Variants in SRGAP2B observed in about 807,000 individuals in gnomAD.
The protein encoded by SRGAP2B is SLIT-ROBO Rho GTPase activating protein 2B.
Under a neutral mutation model 22.2 loss-of-function variants are expected in SRGAP2B, and 9 were observed. The observed-to-expected ratio is 0.41, with a 90% CI of 0.24 to 0.71. The LOEUF is 0.71. SRGAP2B is among the 30% of genes least tolerant of loss of function. The pLI, the probability that SRGAP2B is intolerant of heterozygous loss-of-function variation, is 0.35. For synonymous variants in SRGAP2B, 36 were observed against 87.4 expected, an observed-to-expected ratio of 0.41 and a Z score of 3.28; for missense variants, 114 against 235.8, an observed-to-expected ratio of 0.48 and a Z score of 3.38.
intron 4 of SRGAP2B, among the ~76,000 whole-genome samples, chr1:144,953,846 C>T (rs1253715879): frequency 3.3e-5 from 5 of 150,710 alleles, no homozygotes; most frequent in African/African-American, 5.0e-5. Context: ...GTTGTTTTCT[C>T]GGATGAACAA....
intron 2 of SRGAP2B, among the ~76,000 whole-genome samples, chr1:145,020,625 C>G (rs1229143065): frequency 2.0e-5 from 3 of 147,668 alleles, no homozygotes; most frequent in Admixed American, 2.0e-4. Context: ...TCACAGAGAT[C>G]TTTATTGTAT....
At chr1:145,010,705 T>A (rs1671990110) in intron 2 of SRGAP2B, among the ~76,000 whole-genome samples, 1 of 150,716 alleles carries the variant, frequency 6.6e-6, no homozygotes, top group Admixed American at 6.6e-5. Context: ...CCAGCCACCC[T>A]TCTGTTTATG....
intron 5 of SRGAP2B, among the ~76,000 whole-genome samples, chr1:144,907,171 G>A (rs1216753338): frequency 2.0e-5 from 3 of 150,566 alleles, no homozygotes; most frequent in African/African-American, 7.4e-5. Flanking sequence ...GTGCATGTGT[G>A]TGTGTAACAC....
intron 3 of SRGAP2B, among the ~76,000 whole-genome samples, chr1:144,994,759 T>C (rs1446775017): frequency 1.3e-5 from 2 of 150,048 alleles, no homozygotes; most frequent in Non-Finnish European, 2.9e-5. Context: ...CTTAGTAGCA[T>C]GCCTGGCAAC....
intron 2 of SRGAP2B, among the ~76,000 whole-genome samples, chr1:145,006,149 A>G (rs1553621029): frequency 3.3e-5 from 5 of 150,934 alleles, no homozygotes; most frequent in Non-Finnish European, 7.4e-5. Flanking sequence ...CTGAAGCATG[A>G]GACTTGGAGT....
intron 2 of SRGAP2B, among the ~76,000 whole-genome samples, chr1:145,020,154 C>T (rs1268252193): frequency 1.4e-5 from 2 of 143,412 alleles, no homozygotes; most frequent in Non-Finnish European, 3.0e-5. Context: ...GTAGCTCACA[C>T]CTGTAATCCC....
At chr1:145,040,477 A>C (rs1649095973) in intron 2 of SRGAP2B, among the ~76,000 whole-genome samples, 1 of 151,064 alleles carries the variant, frequency 6.6e-6, no homozygotes, top group East Asian at 1.9e-4. Context: ...CTCTTCCTAT[A>C]AAGGCCAGAT....
intron 3 of SRGAP2B, among the ~76,000 whole-genome samples, chr1:144,992,976 A>C (rs1197888518): frequency 6.6e-5 from 10 of 151,962 alleles, no homozygotes; most frequent in Middle Eastern, 3.4e-3. Context: ...AGAATTCAGA[A>C]GATGGAGAAC....
intron 5 of SRGAP2B, among the ~76,000 whole-genome samples, chr1:144,912,569 G>A (rs1190634927): frequency 4.1e-5 from 6 of 148,000 alleles, no homozygotes; most frequent in Admixed American, 2.0e-4. Context: ...TTTGTTGTGG[G>A]AGCTGCCCTG....
At chr1:144,957,525 CCAAT>C (rs1394962716) in intron 3 of SRGAP2B, among the ~76,000 whole-genome samples, 1 of 138,008 alleles carries the variant, frequency 7.2e-6, no homozygotes, top group Non-Finnish European at 1.5e-5. Context: ...CTTAAGCGTG[CCAAT>C]CACTGTGACA....
At chr1:144,972,951 ACAAAAAACTAGCTGGGCATGGTGGTGTG>A (rs1250885220) in intron 3 of SRGAP2B, among the ~76,000 whole-genome samples, 4 of 137,568 alleles carry the variant, frequency 2.9e-5, no homozygotes, top group Non-Finnish European at 6.1e-5. Context: ...TACCAAAAAT[ACAAAAAACTAGCTGGGCATGGTGGTGTG>A]CACCTGTGGT....
intron 4 of SRGAP2B, among the ~76,000 whole-genome samples, chr1:144,941,643 A>T (rs1279236231): frequency 6.7e-6 from 1 of 149,728 alleles, no homozygotes; most frequent in Non-Finnish European, 1.5e-5. Flanking sequence ...AAAACTGAAG[A>T]CGCTGTGTCA....
chr1:144,965,244 C>A (rs879983786), intron 3 of SRGAP2B: 29 of 608,174 alleles, frequency 4.8e-5, no homozygotes, highest in South Asian at 4.4e-4. Context: ...GCATTTCCAT[C>A]TGAGCTTTGA....
At chr1:145,046,003 GC>G (rs1455228545) in intron 2 of SRGAP2B, among the ~76,000 whole-genome samples, 1 of 110,668 alleles carries the variant, frequency 9.0e-6, no homozygotes, top group Non-Finnish European at 1.7e-5. Context: ...CAGTCTCTCA[GC>G]TTCAGCACTT....
At chr1:144,920,226 C>T (rs1295600685) in intron 4 of SRGAP2B, among the ~76,000 whole-genome samples, 11 of 150,944 alleles carry the variant, frequency 7.3e-5, no homozygotes, top group Admixed American at 7.2e-4. Flanking sequence ...TATGTGCTGT[C>T]CACTATGATA....
chr1:144,994,567 TGAGAGAGA>T (rs56165682), intron 3 of SRGAP2B, among the ~76,000 whole-genome samples: 9,405 of 122,328 alleles, frequency 0.077, 492 homozygotes, highest in Admixed American at 0.14. Flanking sequence ...TGTGTGTGTG[TGAGAGAGA>T]GAGAGAGAGA....
intron 4 of SRGAP2B, among the ~76,000 whole-genome samples, chr1:144,943,483 T>C (rs880003243): frequency 6.6e-6 from 1 of 151,510 alleles, no homozygotes; most frequent in African/African-American, 2.4e-5. Flanking sequence ...AACATACATC[T>C]ACTATAAAAT....
At chr1:144,992,045 G>A (rs1310907262) in intron 3 of SRGAP2B, among the ~76,000 whole-genome samples, 1 of 149,608 alleles carries the variant, frequency 6.7e-6, no homozygotes, top group African/African-American at 2.5e-5. Context: ...TCACTGCAAA[G>A]ATCTGCAGCT....
chr1:144,973,326 C>T (rs1668661845), intron 3 of SRGAP2B, among the ~76,000 whole-genome samples: 1 of 143,440 alleles, frequency 7.0e-6, no homozygotes, highest in Non-Finnish European at 1.5e-5. Context: ...TTACGTATTC[C>T]AGATCCCTTT....
Sources: allele counts gnomAD v4.1 joint callset (sites outside exome capture counted in the v4.1 genomes callset), GRCh38; gene constraint gnomAD v4.1.1; transcripts MANE v1.5; gene names NCBI Gene and HGNC (gene_info 2026-07-23, HGNC 2026-07-21).